BTBD9: variants seen among roughly 807,000 people sequenced by gnomAD.
BTBD9 encodes BTB/POZ domain-containing protein 9.
A neutral mutation model predicts 64.3 loss-of-function variants in BTBD9; 49 were observed. That is an observed-to-expected ratio of 0.76 (90% CI 0.61 to 0.97). The LOEUF (loss-of-function observed/expected upper bound fraction) is 0.97, where lower values mean the gene tolerates loss of function less well. Ranked by LOEUF, BTBD9 falls within the 50% of genes least tolerant of loss-of-function variation. The pLI, the probability that BTBD9 is intolerant of heterozygous loss-of-function variation, is 0.00. For synonymous variants in BTBD9, 260 were observed against 274.7 expected (o/e 0.95, Z 0.53); for missense variants, 598 against 762.1 (o/e 0.78, Z 2.53).
Position 38,448,819 on chromosome 6 carries a change from C to CTT in BTBD9, c.1155-103728_1155-103727dup, listed in dbSNP as rs113936649. ...AGGCATGAGCCACCGCACCCGGCCC[C>CTT]TTGCTGGCATATAATCTCTTAATAA... On this transcript the variant is annotated intron_variant, in intron 6 of 10. Coordinates refer to ENST00000481247, the MANE Select transcript of BTBD9 (RefSeq NM_001099272.2). Among the ~76,000 whole-genome samples the CTT allele has an allele frequency of 7.3e-3, 1,113 of 152,300 alleles. 9 individuals carry two copies. Among genetic ancestry groups the CTT allele is most frequent in the African/African-American group, 0.025 (1,054 of 41,564 alleles).
At chr6:38,314,383 G>C (rs1481578140) in intron 7 of BTBD9, among the ~76,000 whole-genome samples, 4 of 151,808 alleles carry the variant, frequency 2.6e-5, no homozygotes, top group Admixed American at 6.6e-5. Context: ...TTTTAGTAGA[G>C]ACGGGGTTTC....
chr6:38,218,652 C>T (rs187010738), intron 9 of BTBD9, among the ~76,000 whole-genome samples: 73 of 152,260 alleles, frequency 4.8e-4, no homozygotes, highest in Admixed American at 1.8e-3. Flanking sequence ...GAATGTCTAC[C>T]ACTAGTTGCC....
intron 8 of BTBD9, among the ~76,000 whole-genome samples, chr6:38,260,592 G>A (rs946181898): frequency 2.4e-4 from 36 of 152,148 alleles, no homozygotes; most frequent in African/African-American, 8.4e-4. Context: ...GATATTCTTG[G>A]AGTGATAACA....
intron 6 of BTBD9, among the ~76,000 whole-genome samples, chr6:38,421,428 T>C (rs1767899188): frequency 6.6e-6 from 1 of 152,210 alleles, no homozygotes; most frequent in African/African-American, 2.4e-5. Context: ...AAGATTATTT[T>C]ATTCATTTGT....
chr6:38,583,046 A>G (rs1776363393), intron 4 of BTBD9, among the ~76,000 whole-genome samples: 2 of 152,152 alleles, frequency 1.3e-5, no homozygotes, highest in Admixed American at 1.3e-4. Flanking sequence ...AAGCAAACAA[A>G]AGCTTGAAAT....
At chr6:38,225,631 A>G (rs564788472) in intron 9 of BTBD9, among the ~76,000 whole-genome samples, 16 of 152,326 alleles carry the variant, frequency 1.1e-4, no homozygotes, top group Admixed American at 6.5e-4. Context: ...TTAAGTTATA[A>G]ATAACTTAAA....
chr6:38,273,464 T>C (rs781034984), intron 8 of BTBD9, among the ~76,000 whole-genome samples: 3 of 152,172 alleles, frequency 2.0e-5, no homozygotes, highest in Non-Finnish European at 4.4e-5. Context: ...CAGGCCAGTG[T>C]GAAATCTCAT....
At position 38,392,211 on chromosome 6, in the gene BTBD9, C is replaced by A. The variant is rs149022258; in HGVS notation, c.1155-47118G>T. On this transcript the variant is annotated intron_variant, in intron 6 of 10. Coordinates refer to ENST00000481247, the MANE Select transcript of BTBD9 (RefSeq NM_001099272.2). ...AGGAAGCAAGGAGGGTTAAAAATAT[C>A]AATCATCATCAGACAGAAAGAGAGA... 7.3e-5 allele frequency among the ~76,000 whole-genome samples: 11 copies of A among 151,466 alleles called. No individual in the cohort carries two copies. In the East Asian group the frequency reaches 1.7e-3, roughly 24 times the overall value.
In BTBD9 at chr6:38,340,515, C is replaced by T. The variant is rs139751742; in HGVS notation, c.1264+4469G>A. Among the ~76,000 whole-genome samples, 187 of 152,270 alleles carry T rather than the reference C, an allele frequency of 1.2e-3. 1 individual carries two copies. Among genetic ancestry groups the T allele is most frequent in the African/African-American group, 4.3e-3 (180 of 41,548 alleles). ...CTGCAAGTGATTAAAAGATTTCAAT[C>T]GTGTTTATTCCCACAAACTCAAAAT... is the stretch of plus-strand genomic sequence containing the variant. On this transcript the variant is annotated intron_variant, in intron 7 of 10. Coordinates refer to ENST00000481247, the MANE Select transcript of BTBD9 (RefSeq NM_001099272.2).
intron 7 of BTBD9, among the ~76,000 whole-genome samples, chr6:38,333,499 G>T (rs1429500320): frequency 1.3e-5 from 2 of 152,186 alleles, no homozygotes; most frequent in Non-Finnish European, 2.9e-5. Context: ...GGCGGGGCCT[G>T]GTGGGAGGTG....
chr6:38,354,917 A>AAGAG (rs150257577), intron 6 of BTBD9, among the ~76,000 whole-genome samples: 33 of 148,720 alleles, frequency 2.2e-4, no homozygotes, highest in African/African-American at 4.2e-4. Context: ...GACAGAGAGA[A>AAGAG]AGAGAGAGAG....
rs186011319 is a variant in BTBD9, at chr6:38,363,715, C to T, written c.1155-18622G>A. Among the ~76,000 whole-genome samples the T allele has an allele frequency of 1.7e-3, 257 of 151,928 alleles. 2 individuals carry two copies. The highest frequency in any genetic ancestry group is 4.6e-3 in the Admixed American group (71 of 15,272). ...AAATATTTATGTAATCAGAGAAGTACAAAGAGAAGAAAATAAAATGGTTTG... is the reference window on the plus strand; with the variant it reads ...AAATATTTATGTAATCAGAGAAGTATAAAGAGAAGAAAATAAAATGGTTTG... On this transcript the variant is annotated intron_variant, in intron 6 of 10. Coordinates refer to ENST00000481247, the MANE Select transcript of BTBD9 (RefSeq NM_001099272.2).
intron 6 of BTBD9, among the ~76,000 whole-genome samples, chr6:38,564,967 AT>A (rs1157798737): frequency 1.3e-5 from 2 of 151,882 alleles, no homozygotes; most frequent in East Asian, 3.9e-4. Context: ...AAATGTCACC[AT>A]TTTTTTTCTT....
intron 6 of BTBD9, among the ~76,000 whole-genome samples, chr6:38,451,162 C>T (rs1181949663): frequency 6.6e-6 from 1 of 152,178 alleles, no homozygotes; most frequent in Non-Finnish European, 1.5e-5. Flanking sequence ...TGTTACTGCA[C>T]ACTAGAGTTA....
chr6:38,351,689 T>A (rs1764521431), intron 6 of BTBD9, among the ~76,000 whole-genome samples: 1 of 151,872 alleles, frequency 6.6e-6, no homozygotes, highest in Non-Finnish European at 1.5e-5. Context: ...TTAGTAGAGA[T>A]GGAGTTTCAC....
At chr6:38,251,026 G>A (rs1582114144) in intron 9 of BTBD9, among the ~76,000 whole-genome samples, 1 of 151,238 alleles carries the variant, frequency 6.6e-6, no homozygotes, top group South Asian at 2.1e-4. Flanking sequence ...AGGTTGCAGT[G>A]AGCCAAGACC....
chr6:38,319,665 G>A (rs143518651), intron 7 of BTBD9, among the ~76,000 whole-genome samples: 37 of 151,886 alleles, frequency 2.4e-4, no homozygotes, highest in African/African-American at 8.5e-4. Flanking sequence ...TATTCAAGGT[G>A]CAAAACAAAG....
At chr6:38,588,465 G>T in intron 4 of BTBD9, 1 of 834,750 alleles carries the variant, frequency 1.2e-6, no homozygotes, top group Non-Finnish European at 2.0e-6. Flanking sequence ...CTCCAACTGG[G>T]CCTAATCCTT....
intron 6 of BTBD9, among the ~76,000 whole-genome samples, chr6:38,466,867 C>T (rs902592962): frequency 1.9e-4 from 29 of 152,140 alleles, no homozygotes; most frequent in African/African-American, 5.8e-4. Flanking sequence ...CGTGAGCCAC[C>T]GTACCCTTCC....
Sources: allele counts gnomAD v4.1 joint callset (sites outside exome capture counted in the v4.1 genomes callset), GRCh38; gene constraint gnomAD v4.1.1; transcripts MANE v1.5; gene names NCBI Gene and HGNC (gene_info 2026-07-23, HGNC 2026-07-21).